Variants in DGKI observed in about 807,000 individuals in gnomAD.
DGKI encodes diacylglycerol kinase iota.
DGKI carries 55 observed loss-of-function variants against 147.5 expected under a neutral mutation model. That is an observed-to-expected ratio of 0.37 (90% confidence interval 0.30 to 0.47). DGKI has a LOEUF of 0.47. DGKI is among the 20% of genes least tolerant of loss of function. DGKI has a pLI of 1.00. For missense variants in DGKI, 1,007 were observed against 1,323.8 expected, an observed-to-expected ratio of 0.76 and a Z score of 3.71; for synonymous variants, 469 against 477.1, an observed-to-expected ratio of 0.98 and a Z score of 0.22.
intron 1 of DGKI, among the ~76,000 whole-genome samples, chr7:137,732,243 G>A (rs1794906660): frequency 6.6e-6 from 1 of 151,930 alleles, no homozygotes; most frequent in Admixed American, 6.6e-5. Flanking sequence ...CTTATAGGTA[G>A]GTATTCAATG....
intron 1 of DGKI, among the ~76,000 whole-genome samples, chr7:137,694,290 C>T (rs1489357750): frequency 6.6e-6 from 1 of 151,464 alleles, no homozygotes; most frequent in Non-Finnish European, 1.5e-5. Flanking sequence ...CCACTGCACT[C>T]CAGCCTGGGC....
At chr7:137,525,969 CCAACTAAAAA>C (rs1817130931) in intron 20 of DGKI, among the ~76,000 whole-genome samples, 1 of 151,148 alleles carries the variant, frequency 6.6e-6, no homozygotes, top group Non-Finnish European at 1.5e-5. Flanking sequence ...TTTTAAAAGG[CCAACTAAAAA>C]CATGAAAACA....
At chr7:137,436,216 T>C (rs1813278718) in intron 28 of DGKI, among the ~76,000 whole-genome samples, 1 of 152,304 alleles carries the variant, frequency 6.6e-6, no homozygotes, top group Non-Finnish European at 1.5e-5. Flanking sequence ...TGACAGGAGA[T>C]TGGAACCCTA....
intron 3 of DGKI, among the ~76,000 whole-genome samples, chr7:137,663,260 T>C (rs560069696): frequency 1.6e-4 from 25 of 152,262 alleles, no homozygotes; most frequent in African/African-American, 5.5e-4. Flanking sequence ...AAGAGGAACT[T>C]GGTAGAAAAG....
intron 1 of DGKI, among the ~76,000 whole-genome samples, chr7:137,699,157 G>C (rs535710325): frequency 4.2e-4 from 64 of 152,244 alleles, no homozygotes; most frequent in African/African-American, 1.5e-3. Context: ...TCTTCACATG[G>C]AGGAAGAGGC....
chr7:137,525,972 A>T (rs1817131053), intron 20 of DGKI, among the ~76,000 whole-genome samples: 2 of 152,036 alleles, frequency 1.3e-5, no homozygotes, highest in Non-Finnish European at 2.9e-5. Flanking sequence ...TAAAAGGCCA[A>T]CTAAAAACAT....
chr7:137,632,654 C>G (rs978297323), intron 6 of DGKI, among the ~76,000 whole-genome samples: 11 of 151,684 alleles, frequency 7.3e-5, no homozygotes, highest in African/African-American at 1.9e-4. Context: ...GTCAGGAGAT[C>G]GAGACCATCC....
chr7:137,578,236 T>C, intron 16 of DGKI, 34 bp downstream of exon 16: 4 of 1,461,704 alleles, frequency 2.7e-6, no homozygotes, highest in African/African-American at 1.4e-5. Flanking sequence ...CAATAAGTAA[T>C]ATGTAGTAAT....
intron 21 of DGKI, among the ~76,000 whole-genome samples, chr7:137,510,128 C>T (rs146512755): frequency 0.012 from 1,893 of 152,324 alleles, 152 homozygotes; most frequent in Admixed American, 0.12. Flanking sequence ...GGCCCACATA[C>T]TTCTCTTCTA....
At chr7:137,706,098 T>C (rs761853556) in intron 1 of DGKI, among the ~76,000 whole-genome samples, 23 of 152,128 alleles carry the variant, frequency 1.5e-4, no homozygotes, top group Admixed American at 1.3e-3. Context: ...GAAATATTTA[T>C]CTTTTTTAAA....
In DGKI at chr7:137,482,027, T is replaced by C. The variant is rs185432722; in HGVS notation, c.2373+3347A>G. Reference sequence around the variant, plus strand: ...ACTCCTTACTCCCACCGGGACAAACTAGGGAATTCTGATGTAATCAGTTTC... The same window carrying C: ...ACTCCTTACTCCCACCGGGACAAACCAGGGAATTCTGATGTAATCAGTTTC... On this transcript the variant is annotated intron_variant, in intron 23 of 32. Coordinates refer to ENST00000614521, the MANE Select transcript of DGKI (RefSeq NM_001321708.2). Among the ~76,000 whole-genome samples the C allele has an allele frequency of 2.0e-3, 310 of 152,022 alleles. 3 individuals carry two copies. Among genetic ancestry groups the C allele is most frequent in the African/African-American group, 7.1e-3 (293 of 41,482 alleles).
At chr7:137,542,404 TC>T (rs2128961869) in intron 20 of DGKI, among the ~76,000 whole-genome samples, 2 of 152,092 alleles carry the variant, frequency 1.3e-5, no homozygotes, top group East Asian at 3.9e-4. Context: ...AGCTAAAACA[TC>T]CATACAATGA....
intron 20 of DGKI, chr7:137,545,928 C>T (rs538706982): frequency 1.4e-6 from 1 of 702,692 alleles, no homozygotes; most frequent in South Asian, 1.5e-5. Flanking sequence ...GGAGCAGACA[C>T]TCGCCGCAGG....
chr7:137,635,483 A>G (rs1821276510), intron 6 of DGKI, among the ~76,000 whole-genome samples: 1 of 152,200 alleles, frequency 6.6e-6, no homozygotes, highest in African/African-American at 2.4e-5. Flanking sequence ...CTCAGTCAGC[A>G]CCACTATGCA....
intron 28 of DGKI, among the ~76,000 whole-genome samples, chr7:137,427,598 T>C (rs913209429): frequency 6.6e-6 from 1 of 152,080 alleles, no homozygotes; most frequent in Admixed American, 6.6e-5. Context: ...TTCAAAAAAT[T>C]AAAGAATCCA....
intron 1 of DGKI, among the ~76,000 whole-genome samples, chr7:137,786,433 A>G (rs1796670207): frequency 6.6e-6 from 1 of 152,184 alleles, no homozygotes; most frequent in African/African-American, 2.4e-5. Context: ...GACCTCTACA[A>G]GGAAAACTAC....
At chr7:137,618,151 A>ATATATATATTTTTTTTTTTTT in intron 8 of DGKI, among the ~76,000 whole-genome samples, 10 of 10,462 alleles carry the variant, frequency 9.6e-4, no homozygotes, top group African/African-American at 1.2e-3. Context: ...ATATATATAT[A>ATATATATATTTTTTTTTTTTT]TTTTTTTTTT....
chr7:137,772,652 AAAG>A (rs1434053403), intron 1 of DGKI, among the ~76,000 whole-genome samples: 22 of 152,252 alleles, frequency 1.4e-4, no homozygotes, highest in Non-Finnish European at 2.4e-4. Context: ...ATTCAAAAAA[AAAG>A]AAGAAGAAAA....
rs926919923 is a variant in DGKI at position 137,419,316 on chromosome 7, TATC to T, written c.2762-7112_2762-7110del. 6.8e-4 allele frequency among the ~76,000 whole-genome samples: 103 copies of T among 152,358 alleles called. 1 individual carries two copies. The highest frequency in any genetic ancestry group is 2.3e-3 in the African/African-American group (97 of 41,586). ...GTGACACAAATAATTCTCTTGATCT[TATC>T]ATGACTGAAGTCTTCATAGTTTGCC... On this transcript the variant is annotated intron_variant, in intron 28 of 32. Coordinates refer to ENST00000614521, the MANE Select transcript of DGKI (RefSeq NM_001321708.2).
Sources: gnomAD v4.1 joint callset for allele counts (sites outside exome capture counted in the v4.1 genomes callset) on GRCh38, gnomAD v4.1.1 for gene constraint, MANE v1.5 for transcripts, NCBI Gene and HGNC (gene_info 2026-07-23, HGNC 2026-07-21) for gene names.